The following DLGAP2 variants were observed in gnomAD, a reference collection of about 807,000 sequenced individuals.
DLGAP2 encodes DLG associated protein 2.
In DLGAP2, 26 loss-of-function variants were observed where a neutral mutation model predicts 100.3. The ratio of observed to expected loss-of-function variants is 0.26; its 90% CI spans 0.19 to 0.36. The LOEUF is 0.36. DLGAP2 is among the 10% of genes least tolerant of loss of function. DLGAP2 has a pLI of 1.00. For synonymous variants in DLGAP2, 886 were observed against 630.1 expected (o/e 1.41, Z -6.08); for missense variants, 1,858 against 1,453.2 (o/e 1.28, Z -4.53).
At chr8:1,074,565 C>T (rs1232985951) in intron 2 of DLGAP2, among the ~76,000 whole-genome samples, 2 of 152,198 alleles carry the variant, frequency 1.3e-5, no homozygotes, top group Non-Finnish European at 2.9e-5. Context: ...GGGGCTTCTC[C>T]ACTCCCCTCT....
intron 1 of DLGAP2, among the ~76,000 whole-genome samples, chr8:863,737 C>A (rs926387690): frequency 2.6e-5 from 4 of 152,144 alleles, no homozygotes; most frequent in Non-Finnish European, 5.9e-5. Context: ...GATGCCAGTG[C>A]GGATGTGGAG....
intron 7 of DLGAP2, among the ~76,000 whole-genome samples, chr8:1,630,122 T>A (rs1797605531): frequency 6.6e-6 from 1 of 152,162 alleles, no homozygotes; most frequent in Non-Finnish European, 1.5e-5. Flanking sequence ...TAAATTGAAC[T>A]CAGTTTTGAA....
chr8:1,180,052 C>T (rs1314424380), intron 2 of DLGAP2, among the ~76,000 whole-genome samples: 2 of 152,156 alleles, frequency 1.3e-5, no homozygotes, highest in East Asian at 3.9e-4. Flanking sequence ...GAAGCACTGG[C>T]AAAGAATTGT....
intron 2 of DLGAP2, among the ~76,000 whole-genome samples, chr8:1,084,580 G>A (rs1803913690): frequency 6.6e-6 from 1 of 152,156 alleles, no homozygotes; most frequent in South Asian, 2.1e-4. Flanking sequence ...CACTGCTTCT[G>A]TGCTTTCAGT....
chr8:1,631,285 C>G (rs535797570), intron 7 of DLGAP2, among the ~76,000 whole-genome samples: 1 of 151,956 alleles, frequency 6.6e-6, no homozygotes, highest in Non-Finnish European at 1.5e-5. Flanking sequence ...TCTTTAGGAG[C>G]GAGGGCAGCT....
chr8:1,384,140 T>A (rs1426409124), intron 3 of DLGAP2, among the ~76,000 whole-genome samples: 2 of 152,258 alleles, frequency 1.3e-5, no homozygotes, highest in African/African-American at 4.8e-5. Flanking sequence ...CTAGGCCAGG[T>A]CTGTATTTTT....
intron 3 of DLGAP2, among the ~76,000 whole-genome samples, chr8:1,455,663 C>T (rs1166092343): frequency 2.6e-5 from 4 of 152,296 alleles, no homozygotes; most frequent in African/African-American, 9.6e-5. Flanking sequence ...GCCAGGGGCA[C>T]GCCCCCCATT....
At chr8:1,513,298 C>T (rs915639607) in intron 4 of DLGAP2, among the ~76,000 whole-genome samples, 12 of 146,766 alleles carry the variant, frequency 8.2e-5, no homozygotes, top group Admixed American at 2.7e-4. Flanking sequence ...TAAGCGTCTG[C>T]CTTTCCCAGT....
At chr8:1,054,737 C>T (rs910254538) in intron 2 of DLGAP2, among the ~76,000 whole-genome samples, 2 of 152,130 alleles carry the variant, frequency 1.3e-5, no homozygotes, top group Non-Finnish European at 2.9e-5. Context: ...ATGGTTTTTG[C>T]ATTGTATTGG....
At chr8:1,520,023 G>A (rs138129499) in intron 4 of DLGAP2, among the ~76,000 whole-genome samples, 20 of 152,344 alleles carry the variant, frequency 1.3e-4, no homozygotes, top group Admixed American at 5.9e-4. Context: ...GTGGGCCATC[G>A]CTGTTGGCTG....
intron 2 of DLGAP2, among the ~76,000 whole-genome samples, chr8:1,000,588 A>T (rs562197496): frequency 6.6e-6 from 1 of 152,216 alleles, no homozygotes; most frequent in South Asian, 2.1e-4. Context: ...TGGTTTTTGC[A>T]TGTGGTGTTC....
intron 1 of DLGAP2, among the ~76,000 whole-genome samples, chr8:866,018 C>G (rs899916147): frequency 5.9e-5 from 9 of 152,210 alleles, no homozygotes; most frequent in African/African-American, 2.2e-4. Context: ...TTATGGGTCT[C>G]TTTTTAAATT....
intron 2 of DLGAP2, among the ~76,000 whole-genome samples, chr8:1,041,503 T>A (rs774105005): frequency 3.9e-5 from 6 of 152,182 alleles, no homozygotes; most frequent in Non-Finnish European, 8.8e-5. Context: ...TTCTCCTGTT[T>A]CTGAGAAAAG....
At chr8:871,663 C>T (rs1048792111) in intron 1 of DLGAP2, among the ~76,000 whole-genome samples, 5 of 151,920 alleles carry the variant, frequency 3.3e-5, no homozygotes, top group African/African-American at 4.8e-5. Context: ...GGATTTGAGA[C>T]ATTCAACCAG....
intron 3 of DLGAP2, among the ~76,000 whole-genome samples, chr8:1,294,356 C>T (rs62483907): frequency 1.3e-5 from 2 of 152,214 alleles, no homozygotes; most frequent in African/African-American, 4.8e-5. Context: ...GTGATTGGCA[C>T]TCTCCGTCGT....
At chr8:1,653,172 TG>T (rs1398443896) in intron 8 of DLGAP2, among the ~76,000 whole-genome samples, 2 of 152,108 alleles carry the variant, frequency 1.3e-5, no homozygotes, top group East Asian at 3.9e-4. Flanking sequence ...GTGCTGGCCC[TG>T]TGGGTGGGGT....
chr8:868,471 C>T lies in DLGAP2; in HGVS notation c.19-39441C>T, dbSNP rs559307042. Among the ~76,000 whole-genome samples the T allele has an allele frequency of 9.8e-4, 150 of 152,348 alleles. 2 individuals carry two copies. Among genetic ancestry groups the T allele is most frequent in the African/African-American group, 3.5e-3 (147 of 41,584 alleles). On this transcript the variant is annotated intron_variant, in intron 1 of 14. Coordinates refer to ENST00000637795, the MANE Select transcript of DLGAP2 (RefSeq NM_001346810.2). ...TCGCTGTGAGAAGGTCCCTGGTTGG[C>T]GCACGGTGAGCCGTGCACTGTTTCA...
At chr8:1,003,782 TC>T (rs1046325054) in intron 2 of DLGAP2, among the ~76,000 whole-genome samples, 14 of 152,152 alleles carry the variant, frequency 9.2e-5, no homozygotes, top group Admixed American at 7.9e-4. Flanking sequence ...AGCACCTTGG[TC>T]CCCCCATACC....
chr8:914,301 T>C (rs1798547179), intron 2 of DLGAP2, among the ~76,000 whole-genome samples: 1 of 152,194 alleles, frequency 6.6e-6, no homozygotes, highest in African/African-American at 2.4e-5. Flanking sequence ...TTCCATGGGC[T>C]GGGGCGCTCT....
Sources: gnomAD v4.1 joint callset for allele counts (sites outside exome capture counted in the v4.1 genomes callset) on GRCh38, gnomAD v4.1.1 for gene constraint, MANE v1.5 for transcripts, NCBI Gene and HGNC (gene_info 2026-07-23, HGNC 2026-07-21) for gene names.